The following MAP4 variants were observed in gnomAD, a reference collection of about 807,000 sequenced individuals.
The protein encoded by MAP4 is microtubule associated protein 4.
A neutral mutation model predicts 170.2 loss-of-function variants in MAP4; 76 were observed. The observed-to-expected ratio is 0.45, with a 90% CI of 0.37 to 0.54. MAP4 has a LOEUF of 0.54. Among genes scored for constraint, MAP4 ranks in the 20% least tolerant of loss-of-function variants. The pLI is 0.00. For missense variants in MAP4, 2,506 were observed against 2,748.0 expected (o/e 0.91, Z 1.97); for synonymous variants, 909 against 994.5 (o/e 0.91, Z 1.62).
intron 12 of MAP4, among the ~76,000 whole-genome samples, chr3:47,872,763 G>A (rs971955235): frequency 2.0e-5 from 3 of 151,820 alleles, no homozygotes; most frequent in Non-Finnish European, 4.4e-5. Context: ...ACACACACAC[G>A]CATATATTTT....
intron 1 of MAP4, among the ~76,000 whole-genome samples, chr3:48,035,264 A>T (rs2100118227): frequency 6.6e-6 from 1 of 151,264 alleles, no homozygotes; most frequent in Non-Finnish European, 1.5e-5. Flanking sequence ...GGGAGATGCA[A>T]TATAATAAAA....
intron 10 of MAP4, chr3:47,892,424 G>A: frequency 6.5e-7 from 1 of 1,536,234 alleles, no homozygotes; most frequent in Non-Finnish European, 8.7e-7. Flanking sequence ...GCACTCTGCA[G>A]GCTTGCCCTT....
At chr3:48,039,599 T>C (rs1315731630) in intron 1 of MAP4, 4 of 152,230 alleles carry the variant, frequency 2.6e-5, no homozygotes, top group Admixed American at 6.5e-5. Context: ...GGAAAGGTGG[T>C]TTAAAAGAGA....
rs1171639123 is a variant in MAP4, at chr3:48,087,745, G to GCACACACA, written c.-20+1020_-20+1027dup. The stretch of plus-strand genomic sequence containing the variant: ...CACGCACGCGCACACACACGCACGC[G>GCACACACA]CACACACACACACACACACACACAC... On this transcript the variant is annotated intron_variant, in intron 1 of 18. Coordinates refer to the MAP4 transcript ENST00000360240. Among the ~76,000 whole-genome samples, 638 of 105,664 alleles carry GCACACACA rather than the reference G, an allele frequency of 6.0e-3. 4 individuals are homozygous for GCACACACA. Among genetic ancestry groups the GCACACACA allele is most frequent in the African/African-American group, 0.011 (349 of 31,242 alleles). The allele number at this position is 105,664 out of a possible 152,430, so 69.3% of individuals were successfully genotyped here. A position where few individuals can be genotyped will look rare whatever the true frequency, so the allele number is the denominator to read the frequency against.
intron 17 of MAP4, among the ~76,000 whole-genome samples, chr3:47,862,618 C>T (rs946559328): frequency 6.6e-6 from 1 of 151,908 alleles, no homozygotes; most frequent in Admixed American, 6.6e-5. Context: ...GCTGGTACTA[C>T]AGGCACGTGC....
chr3:47,855,354 C>T lies in MAP4; in HGVS notation c.6590G>A (p.Gly2197Glu). 5 of 1,606,552 alleles carry T rather than the reference C, an allele frequency of 3.1e-6. No homozygotes were observed. Among genetic ancestry groups the T allele is most frequent in the African/African-American group, 1.3e-5 (1 of 74,896 alleles). Residue 2197 changes from glycine (G) to glutamate (E), a missense_variant, in exon 19 of 21, where the codon GGA becomes GAA. Coordinates refer to ENST00000683076, the MANE Select transcript of MAP4 (RefSeq NM_001385682.1). This position sits in a 1 kb window ranked among gnomAD's most constrained non-coding sequence, Gnocchi z 5.1. Reference protein sequence around the residue: ...KANIKHKPGGGDVKIESQKLN... With the variant: ...KANIKHKPGGEDVKIESQKLN... ...CTTCTGACTTTCAATCTTGACATCT[C>T]CTCCACCTGGAACCACAAAGGAACT...
At chr3:47,970,233 C>A (rs563100954) in intron 3 of MAP4, among the ~76,000 whole-genome samples, 47 of 152,136 alleles carry the variant, frequency 3.1e-4, no homozygotes, top group Non-Finnish European at 5.7e-4. Context: ...TGCCTGTAAT[C>A]CCAGCACTTT....
At chr3:47,957,186 G>A (rs1224268458) in intron 3 of MAP4, among the ~76,000 whole-genome samples, 1 of 151,962 alleles carries the variant, frequency 6.6e-6, no homozygotes. Flanking sequence ...TTCTTTTTTT[G>A]AGATGAGGTC....
At chr3:47,890,957 A>G in intron 10 of MAP4, 1 of 1,299,606 alleles carries the variant, frequency 7.7e-7, no homozygotes, top group Non-Finnish European at 1.0e-6. Flanking sequence ...TCTGCCGGTA[A>G]TCTGTCACTT....
At chr3:47,963,484 A>C (rs2100072924) in intron 3 of MAP4, among the ~76,000 whole-genome samples, 1 of 152,238 alleles carries the variant, frequency 6.6e-6, no homozygotes, top group Non-Finnish European at 1.5e-5. Context: ...TAGGTGCTCT[A>C]TCCACAGCTT....
At chr3:47,987,303 G>T in intron 2 of MAP4, 1 of 1,055,210 alleles carries the variant, frequency 9.5e-7, no homozygotes, top group Non-Finnish European at 1.4e-6. Context: ...GTTAATAAGT[G>T]TAAGATAACA....
intron 2 of MAP4, among the ~76,000 whole-genome samples, chr3:47,995,205 C>T (rs371545567): frequency 1.3e-5 from 2 of 151,196 alleles, no homozygotes; most frequent in African/African-American, 4.8e-5. Flanking sequence ...GCTTTTGCAA[C>T]ATCAAGATAC....
At position 47,909,842 on chromosome 3, in the gene MAP4, GAGAGTGATCTCCATGAATGTTAACTGT is replaced by G. The variant is rs2100035071; in HGVS notation, c.4552_4578del (p.Thr1518_Ser1526del). On this transcript the variant is annotated inframe_deletion, in exon 9 of 21. Transcript: ENST00000683076. ...TCAGCAAGCTCAGCTTTATTCTTAA[GAGAGTGATCTCCATGAATGTTAACTGT>G]TTCTATGGCTGTTGTAATAGGTAGA... 4 of 1,613,890 alleles carry G rather than the reference GAGAGTGATCTCCATGAATGTTAACTGT, an allele frequency of 2.5e-6. No homozygotes were observed. The highest frequency in any genetic ancestry group is 3.4e-6 in the Non-Finnish European group (4 of 1,179,878).
intron 19 of MAP4, among the ~76,000 whole-genome samples, chr3:47,854,062 A>G (rs544500128): frequency 1.3e-5 from 2 of 152,322 alleles, no homozygotes; most frequent in South Asian, 2.1e-4. Context: ...ATACCCAAAA[A>G]GTGACAAGGG....
chr3:47,867,639 G>A (rs1298322461), intron 16 of MAP4, among the ~76,000 whole-genome samples: 2 of 152,226 alleles, frequency 1.3e-5, no homozygotes, highest in African/African-American at 4.8e-5. Flanking sequence ...GGCCCAGGCA[G>A]CAGCCTAACC....
intron 1 of MAP4, among the ~76,000 whole-genome samples, chr3:48,086,959 G>A (rs957807040): frequency 1.3e-5 from 2 of 152,170 alleles, no homozygotes; most frequent in Admixed American, 6.6e-5. Flanking sequence ...AGAGACCTTG[G>A]TTTGGTTGGA....
intron 3 of MAP4, among the ~76,000 whole-genome samples, chr3:47,928,577 C>T (rs552577710): frequency 1.3e-5 from 2 of 152,132 alleles, no homozygotes; most frequent in African/African-American, 4.8e-5. Flanking sequence ...TACCTGAACC[C>T]AGGAGTTTGA....
At chr3:47,941,423 C>T (rs1293658185) in intron 3 of MAP4, among the ~76,000 whole-genome samples, 1 of 151,706 alleles carries the variant, frequency 6.6e-6, no homozygotes, top group Non-Finnish European at 1.5e-5. Context: ...AGACTGAATG[C>T]AGAGGCAGAT....
upstream of MAP4, among the ~76,000 whole-genome samples, chr3:48,018,293 C>T (rs1390936836): frequency 6.6e-6 from 1 of 152,176 alleles, no homozygotes; most frequent in East Asian, 1.9e-4. Flanking sequence ...TGCACACCTT[C>T]TCTGTTCCTA....
Sources: allele counts gnomAD v4.1 joint callset (sites outside exome capture counted in the v4.1 genomes callset), GRCh38; gene constraint gnomAD v4.1.1; non-coding constraint Gnocchi (gnomAD v3.1); transcripts MANE v1.5; gene names NCBI Gene and HGNC (gene_info 2026-07-23, HGNC 2026-07-21).